The following GPRIN3 variants were observed in gnomAD, a reference collection of about 807,000 sequenced individuals.
GPRIN3 encodes G protein-regulated inducer of neurite outgrowth 3.
GPRIN3 carries 12 observed loss-of-function variants against 13.7 expected under a neutral mutation model. The ratio of observed to expected loss-of-function variants is 0.87; its 90% CI spans 0.56 to 1.42. GPRIN3 has a LOEUF of 1.42. Among genes scored for constraint, GPRIN3 ranks in the 40% most tolerant of loss-of-function variants. The pLI is 0.00. For synonymous variants in GPRIN3, 377 were observed against 372.7 expected (o/e 1.01, Z -0.13); for missense variants, 1,009 against 958.7 (o/e 1.05, Z -0.69).
intron 1 of GPRIN3, among the ~76,000 whole-genome samples, chr4:89,284,615 C>T (rs1409806808): frequency 6.6e-6 from 1 of 152,182 alleles, no homozygotes; most frequent in African/African-American, 2.4e-5. Flanking sequence ...CTAACAGGAA[C>T]TCACCACCAG....
chr4:89,253,721 T>C (rs1192505661), intron 1 of GPRIN3, among the ~76,000 whole-genome samples: 1 of 152,226 alleles, frequency 6.6e-6, no homozygotes, highest in Non-Finnish European at 1.5e-5. Context: ...GGTTTAATTG[T>C]CCATCAATTG....
At chr4:89,284,037 A>G (rs2149281099) in intron 1 of GPRIN3, among the ~76,000 whole-genome samples, 1 of 152,296 alleles carries the variant, frequency 6.6e-6, no homozygotes, top group South Asian at 2.1e-4. Flanking sequence ...GAATGGAAGG[A>G]TCCAAGGTTT....
At chr4:89,284,681 C>T (rs1215540568) in intron 1 of GPRIN3, among the ~76,000 whole-genome samples, 1 of 152,176 alleles carries the variant, frequency 6.6e-6, no homozygotes, top group Non-Finnish European at 1.5e-5. Flanking sequence ...ACCCTGAAAT[C>T]GCCTTTGCAA....
rs1722800871 is a variant in GPRIN3 at position 89,236,601 on chromosome 4, T to A, written c.*11179A>T. 6.6e-6 allele frequency: 1 copy of A among 152,156 alleles called. No individual in the cohort carries two copies. The highest frequency in any genetic ancestry group is 1.5e-5 in the Non-Finnish European group (1 of 68,020). The allele number at this position is 152,156 out of a possible 1,614,324, so 9.4% of individuals were successfully genotyped here. On this transcript the variant is annotated 3_prime_UTR_variant, in exon 2 of 2. Transcript: ENST00000609438. ...TTTCCAGATGAATGCACTGAAATAATTTGGATATTTATCCTCTCCAAATTT... is the reference window on the plus strand; with the variant it reads ...TTTCCAGATGAATGCACTGAAATAAATTGGATATTTATCCTCTCCAAATTT...
Position 89,307,643 on chromosome 4 carries a change from G to A in GPRIN3, c.-152C>T, listed in dbSNP as rs1356199913. 3 of 152,202 alleles carry A rather than the reference G, an allele frequency of 2.0e-5. No homozygotes were observed. The highest frequency in any genetic ancestry group is 4.4e-5 in the Non-Finnish European group (3 of 68,076). The allele number at this position is 152,202 out of a possible 1,614,324, so 9.4% of individuals were successfully genotyped here. A position where few individuals can be genotyped will look rare whatever the true frequency, so the allele number is the denominator to read the frequency against. On this transcript the variant is annotated 5_prime_UTR_variant, in exon 1 of 2. Coordinates refer to ENST00000609438, the MANE Select transcript of GPRIN3 (RefSeq NM_198281.3). The stretch of plus-strand genomic sequence containing the variant: ...CTCTGCCCGGCTCCGCGGCGCGGCG[G>A]GGCCACTGCCTGCGCTGTGGCGGGG...
rs998925092 is a variant in GPRIN3 at position 89,247,569 on chromosome 4, C to T, written c.*211G>A. On this transcript the variant is annotated 3_prime_UTR_variant, in exon 2 of 2. Transcript: ENST00000609438. ...TGCAAACCTTCAGTGAAGCTTGTTT[C>T]TCTTTTCTTGTTCCTTCTTTCAAAT... 6.2e-6 allele frequency: 3 copies of T among 484,262 alleles called. No homozygotes were observed. Among genetic ancestry groups the T allele is most frequent in the Non-Finnish European group, 1.1e-5 (3 of 275,614 alleles). The allele number at this position is 484,262 out of a possible 1,614,324, so 30.0% of individuals were successfully genotyped here.
chr4:89,282,209 A>T (rs1724272006), intron 1 of GPRIN3, among the ~76,000 whole-genome samples: 1 of 152,248 alleles, frequency 6.6e-6, no homozygotes, highest in Admixed American at 6.5e-5. Context: ...ACTAGCAATG[A>T]TGAGAATTAT....
intron 1 of GPRIN3, among the ~76,000 whole-genome samples, chr4:89,262,424 T>G (rs1409456391): frequency 6.6e-6 from 1 of 152,170 alleles, no homozygotes; most frequent in African/African-American, 2.4e-5. Context: ...TTTGGAATTT[T>G]AAACTATATG....
chr4:89,259,303 C>T (rs1723563571), intron 1 of GPRIN3, among the ~76,000 whole-genome samples: 1 of 152,086 alleles, frequency 6.6e-6, no homozygotes, highest in Non-Finnish European at 1.5e-5. Context: ...TTATTCTTTC[C>T]TTCTCTAATC....
chr4:89,263,640 A>C (rs963866070), intron 1 of GPRIN3, among the ~76,000 whole-genome samples: 1 of 152,222 alleles, frequency 6.6e-6, no homozygotes, highest in East Asian at 1.9e-4. Flanking sequence ...TGGCTGTAGG[A>C]CAAAGTACCC....
At chr4:89,262,428 C>G (rs528228021) in intron 1 of GPRIN3, among the ~76,000 whole-genome samples, 18 of 152,172 alleles carry the variant, frequency 1.2e-4, no homozygotes, top group African/African-American at 4.1e-4. Flanking sequence ...GAATTTTAAA[C>G]TATATGAACT....
At position 89,300,727 on chromosome 4, in the gene GPRIN3, C is replaced by T. The variant is rs115937690; in HGVS notation, c.-124+6888G>A. ...CACTTAATCAGAGCTCAGCCCCTTA[C>T]CCTGACAATGATAGACTTCTGCTCT... On this transcript the variant is annotated intron_variant, in intron 1 of 1. Transcript: ENST00000609438. Among the ~76,000 whole-genome samples, 1,499 of 152,228 alleles carry T rather than the reference C, an allele frequency of 9.8e-3. 18 individuals carry two copies. The highest frequency in any genetic ancestry group is 0.016 in the Non-Finnish European group (1,116 of 67,998).
chr4:89,248,140 T>A lies in GPRIN3; in HGVS notation c.1971A>T (p.Gly657=). 1 of 1,613,960 alleles carries A rather than the reference T, an allele frequency of 6.2e-7. No individual in the cohort carries two copies. The highest frequency in any genetic ancestry group is 8.5e-7 in the Non-Finnish European group (1 of 1,179,980). The change falls in exon 2 of 2, where the codon GGA becomes GGT. Residue 657 remains glycine (G), a synonymous_variant. Transcript: ENST00000609438. ...GCTTTTTCTTATCTCCTGGAGTGAG[T>A]CCTACCTGAGCAGCAGCTGCTGTCA... is the stretch of plus-strand genomic sequence containing the variant. ...LNVTAAAAQV[G]LTPGDKKKQL... is the part of the protein sequence containing the mutation.
intron 1 of GPRIN3, among the ~76,000 whole-genome samples, chr4:89,304,766 T>C (rs748699694): frequency 2.0e-5 from 3 of 152,156 alleles, no homozygotes; most frequent in Non-Finnish European, 4.4e-5. Context: ...TTGTCATTCT[T>C]TTCCCCTGAG....
At chr4:89,263,089 T>C (rs537585807) in intron 1 of GPRIN3, among the ~76,000 whole-genome samples, 207 of 152,358 alleles carry the variant, frequency 1.4e-3, no homozygotes, top group Middle Eastern at 6.8e-3. Context: ...GTACTGGGCT[T>C]AACTGAATTT....
rs188416818 is a variant in GPRIN3 at position 89,281,785 on chromosome 4, C to T, written c.-124+25830G>A. ...ATGGCCACTCTAGGAAACTAAAATACCCTCTCTACTCTTTCTTGCATTGCT... is the reference window on the plus strand; with the variant it reads ...ATGGCCACTCTAGGAAACTAAAATATCCTCTCTACTCTTTCTTGCATTGCT... On this transcript the variant is annotated intron_variant, in intron 1 of 1. Transcript: ENST00000609438. Among the ~76,000 whole-genome samples the T allele has an allele frequency of 2.9e-3, 447 of 152,256 alleles. 22 individuals are homozygous for T. The South Asian group carries it at 0.088, about 30-fold the overall frequency.
rs1212337929 is a variant in GPRIN3, at chr4:89,307,622, G to A, written c.-131C>T. On this transcript the variant is annotated 5_prime_UTR_variant, in exon 1 of 2. It introduces an in-frame stop codon into an upstream open reading frame of the 5' UTR. Coordinates refer to ENST00000609438, the MANE Select transcript of GPRIN3 (RefSeq NM_198281.3). ...GCAGGGGGCGTCTCCTACCTGCTCT[G>A]CCCGGCTCCGCGGCGCGGCGGGGCC... 6.6e-6 allele frequency: 1 copy of A among 152,194 alleles called. No individual in the cohort carries two copies. Among genetic ancestry groups the A allele is most frequent in the African/African-American group, 2.4e-5 (1 of 41,418 alleles). The allele number at this position is 152,194 out of a possible 1,614,324, so 9.4% of individuals were successfully genotyped here. A position where few individuals can be genotyped will look rare whatever the true frequency, so the allele number is the denominator to read the frequency against.
chr4:89,264,515 G>A (rs1430987301), intron 1 of GPRIN3, among the ~76,000 whole-genome samples: 1 of 152,054 alleles, frequency 6.6e-6, no homozygotes, highest in East Asian at 1.9e-4. Flanking sequence ...TTTTTTGGCT[G>A]CCTTCTCTTC....
intron 1 of GPRIN3, among the ~76,000 whole-genome samples, chr4:89,284,412 G>C (rs1400606981): frequency 6.6e-6 from 1 of 152,232 alleles, no homozygotes; most frequent in Non-Finnish European, 1.5e-5. Flanking sequence ...CCACTTACAA[G>C]CTGTGTGGCC....
Sources: allele counts gnomAD v4.1 joint callset (sites outside exome capture counted in the v4.1 genomes callset), GRCh38; gene constraint gnomAD v4.1.1; transcripts MANE v1.5; gene names NCBI Gene and HGNC (gene_info 2026-07-23, HGNC 2026-07-21).